GFI1B: variants seen among roughly 807,000 people sequenced by gnomAD.
GFI1B encodes the protein growth factor independent 1B transcriptional repressor.
A neutral mutation model predicts 35.3 loss-of-function variants in GFI1B; 20 were observed. That is an observed-to-expected ratio of 0.57 (90% confidence interval 0.40 to 0.82). The LOEUF is 0.82. Among genes scored for constraint, GFI1B ranks in the 40% least tolerant of loss-of-function variants. The probability of loss-of-function intolerance (pLI) is 0.00; values close to 1 mark genes in which losing one functional copy is unlikely to be tolerated. For synonymous variants in GFI1B, 178 were observed against 177.6 expected, an observed-to-expected ratio of 1.00 and a Z score of -0.02; for missense variants, 430 against 446.3, an observed-to-expected ratio of 0.96 and a Z score of 0.33.
chr9:132,970,466 G>T (rs1848517038), intron 1 of GFI1B, among the ~76,000 whole-genome samples: 1 of 152,134 alleles, frequency 6.6e-6, no homozygotes, highest in Admixed American at 6.5e-5. Context: ...CACAGAGAGA[G>T]AGCTTGTTGG....
intron 1 of GFI1B, among the ~76,000 whole-genome samples, chr9:132,982,752 G>A (rs560325901): frequency 1.0e-3 from 154 of 152,202 alleles, no homozygotes; most frequent in African/African-American, 3.5e-3. Context: ...TTCACCGGGT[G>A]CATTTGGCCC....
At chr9:132,957,200 T>G (rs1848295627) in intron 1 of GFI1B, among the ~76,000 whole-genome samples, 1 of 152,174 alleles carries the variant, frequency 6.6e-6, no homozygotes, top group African/African-American at 2.4e-5. Context: ...TGGGGGTGAT[T>G]TGCTTCCAAT....
chr9:132,975,011 T>C (rs112091335), upstream of GFI1B: 4,317 of 152,328 alleles, frequency 0.028, 107 homozygotes, highest in Non-Finnish European at 0.045. Context: ...GCACCTGTAA[T>C]CCCAGCTACT....
chr9:132,981,878 G>A (rs771691182), intron 1 of GFI1B, among the ~76,000 whole-genome samples: 73 of 152,082 alleles, frequency 4.8e-4, no homozygotes, highest in Non-Finnish European at 7.5e-4. Context: ...TCAGCCTCCC[G>A]AGTAGCTGGG....
chr9:132,952,334 G>A (rs1452151144), intron 1 of GFI1B: 1 of 151,358 alleles, frequency 6.6e-6, no homozygotes, highest in African/African-American at 2.4e-5. Context: ...CTTTTTTTCT[G>A]AGATGAACTC....
intron 1 of GFI1B, among the ~76,000 whole-genome samples, chr9:132,961,946 A>G (rs1848371420): frequency 6.6e-6 from 1 of 151,794 alleles, no homozygotes; most frequent in Admixed American, 6.6e-5. Flanking sequence ...GAACAAATCT[A>G]CACTTCTGGG....
Position 132,987,320 on chromosome 9 carries a change from A to G in GFI1B, c.139A>G (p.Ser47Gly). The change falls in exon 3 of 7, where the codon AGC becomes GGC. Residue 47 changes from serine (S) to glycine (G), a missense_variant. Ser to Gly is a moderately conservative substitution (Grantham distance 56, BLOSUM62 0). Coordinates refer to ENST00000372122, the MANE Select transcript of GFI1B (RefSeq NM_001377304.1). ...DQAPSNSPVL[S>G]TLFPNQCLDW... is the part of the protein sequence containing the mutation. Reference sequence around the variant, plus strand: ...GGCTCCAAGCAACAGCCCTGTCCTTAGCACTCTATTCCCAAACCAGTGCCT... The same window carrying G: ...GGCTCCAAGCAACAGCCCTGTCCTTGGCACTCTATTCCCAAACCAGTGCCT... 1 of 1,614,176 alleles carries G rather than the reference A, an allele frequency of 6.2e-7. No individual in the cohort carries two copies.
intron 1 of GFI1B, among the ~76,000 whole-genome samples, chr9:132,984,369 C>T (rs1411864874): frequency 6.6e-6 from 1 of 152,238 alleles, no homozygotes; most frequent in East Asian, 1.9e-4. Flanking sequence ...GAAGACGTGT[C>T]CCTGGGAGAT....
At chr9:132,947,412 C>CAAAAAAAAAAAA (rs35035214) in intron 1 of GFI1B, among the ~76,000 whole-genome samples, 7 of 95,984 alleles carry the variant, frequency 7.3e-5, no homozygotes, top group African/African-American at 2.0e-4. Flanking sequence ...TTTAATCGAG[C>CAAAAAAAAAAAA]AAAAAAAAAA....
chr9:132,967,681 G>A (rs1224095872), intron 1 of GFI1B, among the ~76,000 whole-genome samples: 1 of 152,206 alleles, frequency 6.6e-6, no homozygotes, highest in East Asian at 1.9e-4. Flanking sequence ...ATATCCTTAT[G>A]TTTAGGAGAT....
intron 1 of GFI1B, among the ~76,000 whole-genome samples, chr9:132,979,254 T>A (rs1439180359): frequency 7.7e-6 from 1 of 129,732 alleles, no homozygotes; most frequent in East Asian, 2.1e-4. Flanking sequence ...CACTTTTTTT[T>A]TTTTTTTTTT....
rs115487177 is a variant in GFI1B at position 132,985,612 on chromosome 9, G to A, written c.-20-1047G>A. On this transcript the variant is annotated intron_variant, in intron 1 of 6. Coordinates refer to ENST00000372122, the MANE Select transcript of GFI1B (RefSeq NM_001377304.1). ...CGTGCTCTGGCGGCTGTGGCTTGCG[G>A]CTTGCAGGAGCACGTGGATTGGCAA... Among the ~76,000 whole-genome samples the A allele has an allele frequency of 4.5e-3, 689 of 152,242 alleles. 3 individuals carry two copies. The highest frequency in any genetic ancestry group is 0.014 in the African/African-American group (578 of 41,530).
At chr9:132,949,371 G>T in intron 1 of GFI1B, among the ~76,000 whole-genome samples, 1 of 150,638 alleles carries the variant, frequency 6.6e-6, no homozygotes, top group East Asian at 1.9e-4. Context: ...CCAACCCCCT[G>T]ATTGGACCTG....
chr9:132,948,078 C>T (rs1054883569), intron 1 of GFI1B, among the ~76,000 whole-genome samples: 1 of 152,092 alleles, frequency 6.6e-6, no homozygotes, highest in East Asian at 1.9e-4. Context: ...TATAAAAGTA[C>T]GGAGTCCTTC....
intron 1 of GFI1B, among the ~76,000 whole-genome samples, chr9:132,957,858 C>T (rs1166356603): frequency 1.3e-5 from 2 of 152,182 alleles, no homozygotes; most frequent in African/African-American, 4.8e-5. Context: ...GCAAGAAATA[C>T]TAATGTCAGC....
At chr9:132,960,722 G>C (rs572906364) in intron 1 of GFI1B, among the ~76,000 whole-genome samples, 1 of 151,314 alleles carries the variant, frequency 6.6e-6, no homozygotes, top group Non-Finnish European at 1.5e-5. Flanking sequence ...GGCTGGTTTC[G>C]AAGTCCTGGT....
chr9:132,970,806 A>C (rs1430467235), intron 1 of GFI1B, among the ~76,000 whole-genome samples: 7 of 152,082 alleles, frequency 4.6e-5, no homozygotes, highest in Non-Finnish European at 1.5e-5. Flanking sequence ...TCAGAGTGGG[A>C]TTTCTGTGAG....
chr9:132,986,820 G>A (rs1240892761), intron 2 of GFI1B, 42 bp downstream of exon 2: 2 of 1,227,062 alleles, frequency 1.6e-6, no homozygotes, highest in South Asian at 2.5e-5. Flanking sequence ...ACCCACGGGG[G>A]GCTCTCTGCT....
chr9:132,986,603 T>A (rs61469632), intron 1 of GFI1B, 56 bp from the exon 2 acceptor site: 1 of 849,142 alleles, frequency 1.2e-6, no homozygotes. Flanking sequence ...TTCTGAGATA[T>A]GGAGGGGTAT....
Sources: allele counts gnomAD v4.1 joint callset (sites outside exome capture counted in the v4.1 genomes callset), GRCh38; gene constraint gnomAD v4.1.1; transcripts MANE v1.5; gene names NCBI Gene and HGNC (gene_info 2026-07-23, HGNC 2026-07-21).